The following ADAMTS17 variants were observed in gnomAD, a reference collection of about 807,000 sequenced individuals.
ADAMTS17 encodes ADAM metallopeptidase with thrombospondin type 1 motif 17, also known as A disintegrin and metalloproteinase with thrombospondin motifs 17.
A neutral mutation model predicts 141.5 loss-of-function variants in ADAMTS17; 113 were observed. The observed-to-expected ratio is 0.80, with a 90% CI of 0.69 to 0.93. The LOEUF (loss-of-function observed/expected upper bound fraction) is 0.93, where lower values mean the gene tolerates loss of function less well. ADAMTS17 is among the 40% of genes least tolerant of loss of function. The probability of loss-of-function intolerance (pLI) is 0.00; values close to 1 mark genes in which losing one functional copy is unlikely to be tolerated. For synonymous variants in ADAMTS17, 768 were observed against 630.6 expected (o/e 1.22, Z -3.27); for missense variants, 1,659 against 1,517.9 (o/e 1.09, Z -1.54).
At position 100,032,868 on chromosome 15, in the gene ADAMTS17, C is replaced by T. The variant is rs185480522; in HGVS notation, c.2591+15989G>A. ...AGGGACTGTGGGGCTACCTAACCCA[C>T]GAGACAGCCAGCAGCCACTTCCTCC... is the stretch of plus-strand genomic sequence containing the variant. On this transcript the variant is annotated intron_variant, in intron 18 of 21. Transcript: ENST00000268070. 1.4e-3 allele frequency among the ~76,000 whole-genome samples: 214 copies of T among 152,324 alleles called. 1 individual carries two copies. The highest frequency in any genetic ancestry group is 5.0e-3 in the African/African-American group (206 of 41,584).
chr15:100,303,035 C>T (rs2045096626), intron 3 of ADAMTS17, among the ~76,000 whole-genome samples: 1 of 151,138 alleles, frequency 6.6e-6, no homozygotes, highest in Non-Finnish European at 1.5e-5. Flanking sequence ...CCATAGCCTG[C>T]AGATGGCCTA....
At chr15:100,330,784 G>C in intron 3 of ADAMTS17, 105 bp downstream of exon 3, 2 of 1,426,768 alleles carry the variant, frequency 1.4e-6, no homozygotes, top group South Asian at 1.3e-5. Flanking sequence ...TGAAATATAG[G>C]GGAAGGTAAG....
In ADAMTS17 at chr15:100,341,204, C is replaced by A; in HGVS notation, c.285G>T (p.Gln95His). The A allele has an allele frequency of 6.8e-7, 1 of 1,460,810 alleles. No individual in the cohort carries two copies. The highest frequency in any genetic ancestry group is 9.0e-7 in the Non-Finnish European group (1 of 1,109,862). 90.5% of individuals were successfully genotyped at this position (1,460,810 alleles called of 1,614,324 possible). A position where few individuals can be genotyped will look rare whatever the true frequency, so the allele number is the denominator to read the frequency against. Residue 95 changes from glutamine to histidine, a missense_variant, in exon 2 of 22, where the codon CAG (glutamine) becomes CAT (histidine). Coordinates refer to ENST00000268070, the MANE Select transcript of ADAMTS17 (RefSeq NM_139057.4). ...ACAGGAAGCGCAGGTCGCGGCGCAG[C>A]TGAAGGTACAGGTCGCGCCCGAAGG... ...LPAFGRDLYL[Q>H]LRRDLRFLSR...
chr15:100,331,189 G>C (rs919875854), intron 2 of ADAMTS17, 135 bp from the exon 3 acceptor site: 2 of 1,129,428 alleles, frequency 1.8e-6, no homozygotes. Context: ...TTGCAGATTG[G>C]TCAGATTTAC....
At chr15:99,990,393 T>C (rs2060667228) in intron 20 of ADAMTS17, among the ~76,000 whole-genome samples, 1 of 152,154 alleles carries the variant, frequency 6.6e-6, no homozygotes, top group African/African-American at 2.4e-5. Context: ...CAGTGAAAGA[T>C]ACATCCTGGC....
intron 3 of ADAMTS17, among the ~76,000 whole-genome samples, chr15:100,283,066 CATT>C (rs745899367): frequency 1.1e-5 from 1 of 94,774 alleles, no homozygotes; most frequent in East Asian, 3.6e-4. Context: ...AAAGAAATAT[CATT>C]GAGTTTGAGA....
At chr15:100,063,265 A>T (rs2033259559) in intron 15 of ADAMTS17, among the ~76,000 whole-genome samples, 1 of 152,200 alleles carries the variant, frequency 6.6e-6, no homozygotes, top group Admixed American at 6.5e-5. Flanking sequence ...TTTTCCAGCT[A>T]AGAAGTCATC....
chr15:100,167,444 G>A (rs1305858532), intron 8 of ADAMTS17, among the ~76,000 whole-genome samples: 4 of 152,108 alleles, frequency 2.6e-5, no homozygotes, highest in Non-Finnish European at 4.4e-5. Context: ...TGCGGATGCC[G>A]TCATCCGTGA....
intron 8 of ADAMTS17, among the ~76,000 whole-genome samples, chr15:100,196,488 A>T (rs561347451): frequency 6.6e-6 from 1 of 152,332 alleles, no homozygotes; most frequent in South Asian, 2.1e-4. Context: ...TCGCCCTACG[A>T]CGCACATTAG....
At chr15:100,238,694 C>G (rs150288881) in intron 7 of ADAMTS17, among the ~76,000 whole-genome samples, 1 of 152,188 alleles carries the variant, frequency 6.6e-6, no homozygotes, top group African/African-American at 2.4e-5. Flanking sequence ...CTGTCACTCG[C>G]GAGTGGCATA....
chr15:100,272,001 C>T (rs1366432805), intron 4 of ADAMTS17, among the ~76,000 whole-genome samples: 1 of 144,590 alleles, frequency 6.9e-6, no homozygotes. Flanking sequence ...GTCTCGGCAT[C>T]CTTACCAAAA....
At chr15:100,022,337 G>A (rs2061421196) in intron 18 of ADAMTS17, among the ~76,000 whole-genome samples, 1 of 152,182 alleles carries the variant, frequency 6.6e-6, no homozygotes, top group Admixed American at 6.5e-5. Flanking sequence ...CACTAAGGCA[G>A]CGTGTGCTGA....
chr15:100,210,226 A>G (rs1198905856), intron 7 of ADAMTS17, among the ~76,000 whole-genome samples: 2 of 109,672 alleles, frequency 1.8e-5, no homozygotes, highest in African/African-American at 4.5e-5. Context: ...GCGAGACTCC[A>G]TCTCAAAAAA....
chr15:100,304,838 AC>A (rs1253448326), intron 3 of ADAMTS17, among the ~76,000 whole-genome samples: 1 of 152,228 alleles, frequency 6.6e-6, no homozygotes, highest in African/African-American at 2.4e-5. Context: ...AGACAGCAAG[AC>A]CAACCTCTCC....
In ADAMTS17 at chr15:100,334,730, C is replaced by T. The variant is rs117430502; in HGVS notation, c.451-3676G>A. On this transcript the variant is annotated intron_variant, in intron 2 of 21. Transcript: ENST00000268070. The stretch of plus-strand genomic sequence containing the variant: ...CCCTCCCCCGGTCCCGCCGCCTCCT[C>T]GAATGTGAAATGCCTGAGCACAGAC... Among the ~76,000 whole-genome samples the T allele has an allele frequency of 2.4e-4, 36 of 152,332 alleles. No homozygotes were observed. In the East Asian group the frequency reaches 6.0e-3, roughly 25 times the overall value.
chr15:100,190,268 C>G (rs2040868857), intron 8 of ADAMTS17, among the ~76,000 whole-genome samples: 1 of 152,236 alleles, frequency 6.6e-6, no homozygotes. Context: ...ATGTCAGGAA[C>G]AAAGTGCATG....
At chr15:100,156,618 G>C (rs552346979) in intron 8 of ADAMTS17, among the ~76,000 whole-genome samples, 1 of 152,124 alleles carries the variant, frequency 6.6e-6, no homozygotes, top group Non-Finnish European at 1.5e-5. Context: ...ATTCATACAT[G>C]TGGCTACATG....
At chr15:100,215,617 G>C (rs937484780) in intron 7 of ADAMTS17, among the ~76,000 whole-genome samples, 1 of 152,106 alleles carries the variant, frequency 6.6e-6, no homozygotes, top group African/African-American at 2.4e-5. Context: ...GGGAAGTCTA[G>C]GGCTGGCCTG....
At chr15:100,010,587 C>G (rs535802652) in intron 18 of ADAMTS17, among the ~76,000 whole-genome samples, 22 of 152,354 alleles carry the variant, frequency 1.4e-4, no homozygotes, top group Non-Finnish European at 2.5e-4. Context: ...CAAAAAAGAC[C>G]AGCGTCAGAG....
Sources: allele counts gnomAD v4.1 joint callset (sites outside exome capture counted in the v4.1 genomes callset), GRCh38; gene constraint gnomAD v4.1.1; transcripts MANE v1.5; gene names NCBI Gene and HGNC (gene_info 2026-07-23, HGNC 2026-07-21).